The following YES1 variants were observed in gnomAD, a reference collection of about 807,000 sequenced individuals.
YES1 encodes the protein tyrosine-protein kinase Yes.
Under a neutral mutation model 70.4 loss-of-function variants are expected in YES1, and 39 were observed. The observed-to-expected ratio is 0.55, with a 90% CI of 0.43 to 0.72. YES1 has a LOEUF of 0.72. Among genes scored for constraint, YES1 ranks in the 30% least tolerant of loss-of-function variants. YES1 has a pLI of 0.00. For synonymous variants in YES1, 198 were observed against 218.6 expected, an observed-to-expected ratio of 0.91 and a Z score of 0.83; for missense variants, 495 against 644.8, an observed-to-expected ratio of 0.77 and a Z score of 2.52.
In YES1 at chr18:769,664, T is replaced by TA. The variant is rs200469547; in HGVS notation, c.-8-12830dup. Among the ~76,000 whole-genome samples, 641 of 152,332 alleles carry TA rather than the reference T, an allele frequency of 4.2e-3. 3 individuals carry two copies. Among genetic ancestry groups the TA allele is most frequent in the African/African-American group, 0.015 (612 of 41,564 alleles). ...TGTCAAAAGCTTTTCTACATGTACT[T>TA]AGATTATCATATAGGTTTTTTTCCT... On this transcript the variant is annotated intron_variant, in intron 1 of 11. Coordinates refer to ENST00000314574, the MANE Select transcript of YES1 (RefSeq NM_005433.4).
chr18:807,819 A>G (rs16950778), intron 1 of YES1, among the ~76,000 whole-genome samples: 8,733 of 152,254 alleles, frequency 0.057, 350 homozygotes, highest in East Asian at 0.13. Context: ...GAGAAAGTAG[A>G]GTCCAAAGAA....
intron 1 of YES1, among the ~76,000 whole-genome samples, chr18:757,306 A>T (rs552949657): frequency 1.3e-5 from 2 of 151,662 alleles, no homozygotes; most frequent in African/African-American, 4.8e-5. Context: ...GATTGAGACC[A>T]TCCTGGCTAA....
At chr18:799,281 G>A (rs148942418) in intron 1 of YES1, among the ~76,000 whole-genome samples, 54 of 152,312 alleles carry the variant, frequency 3.5e-4, no homozygotes, top group African/African-American at 1.3e-3. Flanking sequence ...TCTATGGTAT[G>A]CAGCCCTCAC....
intron 1 of YES1, among the ~76,000 whole-genome samples, chr18:810,725 A>AT (rs1263079759): frequency 1.3e-5 from 2 of 152,196 alleles, no homozygotes; most frequent in Non-Finnish European, 2.9e-5. Flanking sequence ...TAAAAATACA[A>AT]TTTAACTTCC....
chr18:778,735 T>C (rs1237117314), intron 1 of YES1, among the ~76,000 whole-genome samples: 1 of 152,176 alleles, frequency 6.6e-6, no homozygotes, highest in African/African-American at 2.4e-5. Context: ...TAGTCTATGA[T>C]TTTTCTCTTT....
At chr18:770,433 C>A (rs1430099734) in intron 1 of YES1, among the ~76,000 whole-genome samples, 1 of 152,148 alleles carries the variant, frequency 6.6e-6, no homozygotes, top group Non-Finnish European at 1.5e-5. Context: ...TGCTCTTTGT[C>A]TGGCTTTACA....
chr18:752,664 C>T (rs1052611425), intron 2 of YES1, among the ~76,000 whole-genome samples: 10 of 152,094 alleles, frequency 6.6e-5, no homozygotes, highest in Non-Finnish European at 1.2e-4. Flanking sequence ...TGGTATCAGA[C>T]GGTCACAGTG....
intron 1 of YES1, among the ~76,000 whole-genome samples, chr18:805,288 G>C (rs1195197770): frequency 2.0e-5 from 3 of 152,056 alleles, no homozygotes; most frequent in African/African-American, 7.2e-5. Flanking sequence ...AATACTGCAG[G>C]CAACTGTAAC....
chr18:747,850 G>A, intron 4 of YES1, 70 bp downstream of exon 4: 1 of 1,405,356 alleles, frequency 7.1e-7, no homozygotes, highest in Non-Finnish European at 1.0e-6. Flanking sequence ...TAAAGTTGTG[G>A]CTAAGTAGAA....
chr18:753,691 G>T (rs1027224770), intron 2 of YES1, among the ~76,000 whole-genome samples: 1 of 152,060 alleles, frequency 6.6e-6, no homozygotes, highest in Non-Finnish European at 1.5e-5. Context: ...TCACCATGTT[G>T]GCCAGGCTGG....
chr18:756,801 GT>G lies in YES1; in HGVS notation c.26del (p.Asn9ThrfsTer21). On this transcript the variant is annotated frameshift_variant, in exon 2 of 12. Transcript: ENST00000314574. LOFTEE classifies it high-confidence loss of function. MGCIKSKE[N>X]KSPAIKYRPE... ...GTCTGTATTTAATGGCTGGACTTTT[GT>G]TTTCTTTACTTTTAATGCAGCCCAT... The G allele has an allele frequency of 6.2e-7, 1 of 1,613,808 alleles. No homozygotes were observed. Among genetic ancestry groups the G allele is most frequent in the Non-Finnish European group, 8.5e-7 (1 of 1,179,956 alleles).
chr18:745,568 T>A, intron 6 of YES1, 140 bp downstream of exon 6: 2 of 821,664 alleles, frequency 2.4e-6, no homozygotes, highest in Non-Finnish European at 3.7e-6. Context: ...GTTCCTCCCT[T>A]TAGAATACAA....
intron 11 of YES1, 44 bp from the exon 12 acceptor site, chr18:724,676 A>G (rs1598880752): frequency 6.5e-7 from 1 of 1,531,074 alleles, no homozygotes; most frequent in African/African-American, 1.4e-5. Flanking sequence ...GGTCCTAACT[A>G]CCACTAGGAA....
At chr18:796,645 T>A (rs187789566) in intron 1 of YES1, among the ~76,000 whole-genome samples, 10 of 152,206 alleles carry the variant, frequency 6.6e-5, no homozygotes, top group African/African-American at 1.7e-4. Flanking sequence ...CAGGCATCTG[T>A]AGTCTCAGTT....
At chr18:811,874 G>T (rs1181856749) in intron 1 of YES1, among the ~76,000 whole-genome samples, 1 of 152,130 alleles carries the variant, frequency 6.6e-6, no homozygotes, top group East Asian at 1.9e-4. Context: ...ACTTGGGCGG[G>T]ACCCGGCAGG....
At chr18:729,976 G>A (rs2080069577) in intron 11 of YES1, among the ~76,000 whole-genome samples, 2 of 152,104 alleles carry the variant, frequency 1.3e-5, no homozygotes, top group South Asian at 4.1e-4. Flanking sequence ...CATATATCTA[G>A]TAACTTTTTA....
chr18:797,131 T>C (rs907990923), intron 1 of YES1, among the ~76,000 whole-genome samples: 2 of 152,084 alleles, frequency 1.3e-5, no homozygotes, highest in African/African-American at 4.8e-5. Flanking sequence ...AGAATATCTA[T>C]AATATATTGA....
At chr18:812,027 C>T (rs1907419894) in intron 1 of YES1, 87 bp downstream of exon 1, 2 of 169,182 alleles carry the variant, frequency 1.2e-5, no homozygotes, top group Admixed American at 6.5e-5. Flanking sequence ...GCGGCGGCGG[C>T]GGCGGCGGCG....
At chr18:802,778 T>C (rs1030381835) in intron 1 of YES1, among the ~76,000 whole-genome samples, 1 of 152,070 alleles carries the variant, frequency 6.6e-6, no homozygotes, top group Admixed American at 6.6e-5. Flanking sequence ...TTTCTTTATC[T>C]GTAATAAATA....
Sources: allele counts gnomAD v4.1 joint callset (sites outside exome capture counted in the v4.1 genomes callset), GRCh38; gene constraint gnomAD v4.1.1; transcripts MANE v1.5; gene names NCBI Gene and HGNC (gene_info 2026-07-23, HGNC 2026-07-21).